Variants in FIBCD1 observed in about 807,000 individuals in gnomAD.
The protein encoded by FIBCD1 is fibrinogen C domain-containing protein 1.
Under a neutral mutation model 45.1 loss-of-function variants are expected in FIBCD1, and 47 were observed. That is an observed-to-expected ratio of 1.04 (90% confidence interval 0.82 to 1.33). The LOEUF is 1.33. Ranked by LOEUF, FIBCD1 falls within the 40% of genes most tolerant of loss-of-function variation. The pLI is 0.00. For missense variants in FIBCD1, 653 were observed against 682.2 expected (o/e 0.96, Z 0.48); for synonymous variants, 313 against 308.1 (o/e 1.02, Z -0.17).
intron 1 of FIBCD1, chr9:130,933,731 G>GC (rs899908335): frequency 6.8e-6 from 1 of 146,440 alleles, no homozygotes; most frequent in African/African-American, 2.5e-5. Flanking sequence ...GGCGGGTGGG[G>GC]GGGGGGCGGC....
rs1277410971 is a variant in FIBCD1, at chr9:130,904,076, C to G, written c.1374G>C (p.Arg458=). The stretch of plus-strand genomic sequence containing the variant: ...AAGGTGCACCAGTCTAGCGGTCCTC[C>G]CGGACCGGCCGGATCTTCATCTCAG... ...KFSEMKIRPV[R]EDR is the part of the protein sequence containing the mutation. Residue 458 remains arginine (R), a synonymous_variant, in exon 7 of 7, where the codon CGG becomes CGC. Transcript: ENST00000372338. 2 of 1,612,630 alleles carry G rather than the reference C, an allele frequency of 1.2e-6. No individual in the cohort carries two copies. The highest frequency in any genetic ancestry group is 1.7e-6 in the Non-Finnish European group (2 of 1,179,672).
rs1042783382 is a variant in FIBCD1, at chr9:130,926,839, G to A, written c.553-2443C>T. ...ACCGTGTCTCAAAAAATAAATAAATGAATTAAAATAAAATAAAATGGGATA... is the reference window on the plus strand; with the variant it reads ...ACCGTGTCTCAAAAAATAAATAAATAAATTAAAATAAAATAAAATGGGATA... On this transcript the variant is annotated intron_variant, in intron 2 of 6. Coordinates refer to ENST00000372338, the MANE Select transcript of FIBCD1 (RefSeq NM_032843.5). The surrounding 1 kb of genome is among the most constrained non-coding windows in gnomAD (Gnocchi z 4.1). Among the ~76,000 whole-genome samples the A allele has an allele frequency of 1.3e-5, 2 of 152,008 alleles. No homozygotes were observed. The highest frequency in any genetic ancestry group is 2.4e-5 in the African/African-American group (1 of 41,474).
At chr9:130,907,097 G>A (rs892247627) in intron 5 of FIBCD1, among the ~76,000 whole-genome samples, 103 of 152,198 alleles carry the variant, frequency 6.8e-4, no homozygotes, top group African/African-American at 2.4e-3. Flanking sequence ...AGATGATGCA[G>A]GAATAGGGAG....
At chr9:130,908,291 T>C (rs953723512) in intron 5 of FIBCD1, among the ~76,000 whole-genome samples, 1 of 152,232 alleles carries the variant, frequency 6.6e-6, no homozygotes, top group Non-Finnish European at 1.5e-5. Flanking sequence ...AGGGCTCGTC[T>C]GCAGGATGCT....
At chr9:130,933,332 G>A (rs113573833) in intron 1 of FIBCD1, among the ~76,000 whole-genome samples, 3 of 152,174 alleles carry the variant, frequency 2.0e-5, no homozygotes, top group Non-Finnish European at 2.9e-5. Flanking sequence ...TGATTCATCC[G>A]TCCTGGTGTG....
In FIBCD1 at chr9:130,922,560, G is replaced by A. The variant is rs1010322740; in HGVS notation, c.849+1184C>T. Reference sequence around the variant, plus strand: ...AGAGCGTGGAACCTCCAGGCTCCCCGCCTCTCTGACATCTGCTGTCGGGGT... The same window carrying A: ...AGAGCGTGGAACCTCCAGGCTCCCCACCTCTCTGACATCTGCTGTCGGGGT... On this transcript the variant is annotated intron_variant, in intron 4 of 6. Transcript: ENST00000372338. The surrounding 1 kb of genome is among the most constrained non-coding windows in gnomAD (Gnocchi z 4.5). Among the ~76,000 whole-genome samples, 4 of 152,068 alleles carry A rather than the reference G, an allele frequency of 2.6e-5. No homozygotes were observed. The highest frequency in any genetic ancestry group is 9.7e-5 in the African/African-American group (4 of 41,386).
intron 1 of FIBCD1, among the ~76,000 whole-genome samples, chr9:130,935,402 G>T (rs1490929690): frequency 6.6e-6 from 1 of 152,158 alleles, no homozygotes; most frequent in Non-Finnish European, 1.5e-5. Flanking sequence ...GGCAAATACC[G>T]TTTCACCCTG....
In FIBCD1 at chr9:130,929,975, G is replaced by A. The variant is rs376720326; in HGVS notation, c.144C>T (p.Thr48=). The change falls in exon 2 of 7, where the codon ACC becomes ACT. Residue 48 remains threonine (T), a synonymous_variant. Coordinates refer to ENST00000372338, the MANE Select transcript of FIBCD1 (RefSeq NM_032843.5). ...CGTGGTTCAGGAAGAGCACGGCACC[G>A]GTGACAGCTACAGCCAGCAGCACAG... ...ALAVLLAVAV[T]GAVLFLNHAH... is the part of the protein sequence containing the mutation. 107 of 1,547,354 alleles carry A rather than the reference G, an allele frequency of 6.9e-5. No individual in the cohort carries two copies. Among genetic ancestry groups the A allele is most frequent in the African/African-American group, 4.9e-4 (36 of 73,292 alleles).
chr9:130,917,097 T>TAAAACAAAACAAAAC (rs71389378), intron 4 of FIBCD1, among the ~76,000 whole-genome samples: 4 of 151,624 alleles, frequency 2.6e-5, no homozygotes, highest in African/African-American at 4.8e-5. Context: ...GACCTCGTCT[T>TAAAACAAAACAAAAC]AAAACAAAAC....
chr9:130,911,901 G>C lies in FIBCD1; in HGVS notation c.850-13C>G. The C allele has an allele frequency of 6.4e-7, 1 of 1,560,016 alleles. No individual in the cohort carries two copies. Among genetic ancestry groups the C allele is most frequent in the Non-Finnish European group, 8.7e-7 (1 of 1,153,110 alleles). On this transcript the variant is annotated splice_polypyrimidine_tract_variant and intron_variant, in intron 4 of 6. Coordinates refer to ENST00000372338, the MANE Select transcript of FIBCD1 (RefSeq NM_032843.5). Reference sequence around the variant, plus strand: ...GGCGCTGAAACACCTGCAAAGGGAAGATGGGGATGGGGCGTTGGCACCGAC... The same window carrying C: ...GGCGCTGAAACACCTGCAAAGGGAACATGGGGATGGGGCGTTGGCACCGAC...
At chr9:130,928,287 G>A (rs1368287088) in intron 2 of FIBCD1, among the ~76,000 whole-genome samples, 5 of 152,178 alleles carry the variant, frequency 3.3e-5, no homozygotes, top group Non-Finnish European at 7.4e-5. Flanking sequence ...CAGGACTCTG[G>A]GGTCCCTCCT....
Position 130,909,197 on chromosome 9 carries a change from C to A in FIBCD1, c.946+2595G>T, listed in dbSNP as rs1831991743. 2.0e-5 allele frequency among the ~76,000 whole-genome samples: 3 copies of A among 152,242 alleles called. No individual in the cohort carries two copies. The South Asian group carries it at 6.2e-4, about 32-fold the overall frequency. On this transcript the variant is annotated intron_variant, in intron 5 of 6. Coordinates refer to ENST00000372338, the MANE Select transcript of FIBCD1 (RefSeq NM_032843.5). ...CCTCCACCACCAGCTCTGCCCCGCA[C>A]TGGGGAACTCCCGGGATGTCCTCAC...
chr9:130,929,147 G>A (rs1006267534), intron 2 of FIBCD1, among the ~76,000 whole-genome samples: 1 of 152,118 alleles, frequency 6.6e-6, no homozygotes, highest in African/African-American at 2.4e-5. Flanking sequence ...GATGGGGTGC[G>A]GCTCTGAGGG....
rs1832573263 is a variant in FIBCD1 at position 130,939,148 on chromosome 9, TCCCGGAGGGG to T, written c.-551_-542del. The T allele has an allele frequency of 6.6e-6, 1 of 151,562 alleles. No homozygotes were observed. The highest frequency in any genetic ancestry group is 2.4e-5 in the African/African-American group (1 of 41,178). The allele number at this position is 151,562 out of a possible 1,614,324, so 9.4% of individuals were successfully genotyped here. ...CGCGGGCGGCCCGGCTCCTGCTGGC[TCCCGGAGGGG>T]CCTGAGAGCCCCCCGGCGGCGCCTC... On this transcript the variant is annotated 5_prime_UTR_variant, in exon 1 of 7. It removes the in-frame stop codon of an upstream open reading frame in the 5' UTR. Transcript: ENST00000372338.
Position 130,905,364 on chromosome 9 carries a change from G to A in FIBCD1, c.996C>T (p.His332=), listed in dbSNP as rs369364369. 1.2e-5 allele frequency: 20 copies of A among 1,614,014 alleles called. No individual in the cohort carries two copies. Among genetic ancestry groups the A allele is most frequent in the Middle Eastern group, 1.6e-4 (1 of 6,062 alleles). Residue 332 remains histidine, a synonymous_variant, in exon 6 of 7, where the codon CAC becomes CAT. Coordinates refer to ENST00000372338, the MANE Select transcript of FIBCD1 (RefSeq NM_032843.5). ...ALTTQAAYEL[H]VDLEDFENGT... ...CATTCTCAAAGTCCTCCAGGTCCAC[G>A]TGCAGCTCGTAGGCAGCCTGTGTGG...
Position 130,924,262 on chromosome 9 carries a change from TC to T in FIBCD1, c.686del (p.Gly229GlufsTer21). The T allele has an allele frequency of 6.3e-7, 1 of 1,599,108 alleles. No homozygotes were observed. ...CAGTGGCACAGCCCCGGGGCCGGGT[TC>T]CCCGGGCAGGCGCTCTCTGAAGGTC... is the stretch of plus-strand genomic sequence containing the variant. ...KADLQRAPAR[G>X]TRPRGCATGS... On this transcript the variant is annotated frameshift_variant, in exon 3 of 7. Transcript: ENST00000372338. LOFTEE classifies it high-confidence loss of function.
intron 6 of FIBCD1, among the ~76,000 whole-genome samples, chr9:130,904,593 C>A (rs1831894090): frequency 6.6e-6 from 1 of 151,420 alleles, no homozygotes; most frequent in South Asian, 2.1e-4. Context: ...TCCCTCCCCC[C>A]AGCTTTTCCA....
At position 130,929,799 on chromosome 9, in the gene FIBCD1, C is replaced by T. The variant is rs372273375; in HGVS notation, c.320G>A (p.Arg107His). Residue 107 changes from arginine to histidine, a missense_variant, in exon 2 of 7, where the codon CGC (arginine) becomes CAC (histidine). Physicochemically the swap from Arg to His is conservative, Grantham distance 29. Transcript: ENST00000372338. ...RCPDLTDSFA[R>H]LESAQASVLQ... ...CACCGAGGCCTGGGCGCTCTCCAGG[C>T]GTGCGAAGCTGTCGGTGAGGTCGGG... The T allele has an allele frequency of 5.8e-6, 9 of 1,552,286 alleles. No individual in the cohort carries two copies. The highest frequency in any genetic ancestry group is 2.4e-5 in the South Asian group (2 of 84,424).
chr9:130,915,257 A>AC (rs1832137865), intron 4 of FIBCD1, among the ~76,000 whole-genome samples: 1 of 152,022 alleles, frequency 6.6e-6, no homozygotes, highest in South Asian at 2.1e-4. Context: ...AGTTACAGTG[A>AC]CCCCACCATC....
Sources: allele counts gnomAD v4.1 joint callset (sites outside exome capture counted in the v4.1 genomes callset), GRCh38; gene constraint gnomAD v4.1.1; non-coding constraint Gnocchi (gnomAD v3.1); transcripts MANE v1.5; gene names NCBI Gene and HGNC (gene_info 2026-07-23, HGNC 2026-07-21).